The following TENM2 variants were observed in gnomAD, a reference collection of about 807,000 sequenced individuals.
TENM2 encodes the protein teneurin-2.
Under a neutral mutation model 245.2 loss-of-function variants are expected in TENM2, and 52 were observed. That is an observed-to-expected ratio of 0.21 (90% confidence interval 0.17 to 0.27). The LOEUF (loss-of-function observed/expected upper bound fraction) is 0.27, where lower values mean the gene tolerates loss of function less well. TENM2 is among the 10% of genes least tolerant of loss of function. The probability of loss-of-function intolerance (pLI) is 1.00; values close to 1 mark genes in which losing one functional copy is unlikely to be tolerated. For missense variants in TENM2, 3,046 were observed against 3,666.8 expected (o/e 0.83, Z 4.37); for synonymous variants, 1,363 against 1,438.9 (o/e 0.95, Z 1.19).
At chr5:167,280,480 G>C (rs565389354), upstream of TENM2, among the ~76,000 whole-genome samples, 86 of 152,282 alleles carry the variant, frequency 5.6e-4, 1 homozygote, top group African/African-American at 2.0e-3. Flanking sequence ...TGTGGTTGAG[G>C]TTGGTGTCTA....
At chr5:167,277,561 A>T in the TENM2 span, among the ~76,000 whole-genome samples, 1 of 152,186 alleles carries the variant, frequency 6.6e-6, no homozygotes, top group East Asian at 1.9e-4. Context: ...CTCCATGGCC[A>T]CTTGAGAAAG....
rs140335250 is a variant in TENM2, at chr5:167,378,545, A to G, written c.502+3072A>G. 5.3e-3 allele frequency among the ~76,000 whole-genome samples: 808 copies of G among 152,204 alleles called. 8 individuals are homozygous for G. Among genetic ancestry groups the G allele is most frequent in the African/African-American group, 0.019 (771 of 41,536 alleles). ...GTTCTTTAATCCTATCTTGAAGTCA[A>G]TAATGATTTGGCTAGAAATGGCAAT... On this transcript the variant is annotated intron_variant, in intron 2 of 28. Transcript: ENST00000518659.
At chr5:167,579,672 G>A (rs191485097) in intron 2 of TENM2, among the ~76,000 whole-genome samples, 9 of 152,096 alleles carry the variant, frequency 5.9e-5, no homozygotes, top group Admixed American at 5.2e-4. Context: ...GTGTGAGTGT[G>A]GAGAATTCTT....
At chr5:167,968,560 C>T (rs954593191) in intron 4 of TENM2, among the ~76,000 whole-genome samples, 14 of 152,154 alleles carry the variant, frequency 9.2e-5, no homozygotes, top group Non-Finnish European at 1.9e-4. Flanking sequence ...GTATTGCACA[C>T]CAATAATACG....
the TENM2 span, among the ~76,000 whole-genome samples, chr5:167,115,817 A>C: frequency 6.6e-6 from 1 of 152,206 alleles, no homozygotes; most frequent in Non-Finnish European, 1.5e-5. Flanking sequence ...TTTAATAAAT[A>C]AACTTGGTTT....
At chr5:167,515,855 A>G (rs1229140078) in intron 2 of TENM2, among the ~76,000 whole-genome samples, 1 of 151,694 alleles carries the variant, frequency 6.6e-6, no homozygotes, top group Non-Finnish European at 1.5e-5. Flanking sequence ...TAATCTATAA[A>G]TATTTGGGGC....
chr5:167,843,784 C>G (rs1769771708), intron 2 of TENM2, among the ~76,000 whole-genome samples: 1 of 152,132 alleles, frequency 6.6e-6, no homozygotes, highest in African/African-American at 2.4e-5. Flanking sequence ...TATGCTGGAC[C>G]CATTATAACA....
chr5:168,080,727 GTA>G, intron 7 of TENM2, among the ~76,000 whole-genome samples: 1 of 152,320 alleles, frequency 6.6e-6, no homozygotes, highest in Non-Finnish European at 1.5e-5. Flanking sequence ...CAGTTTCCAT[GTA>G]GTTGAGCGAT....
At position 167,365,347 on chromosome 5, in the gene TENM2, G is replaced by A. The variant is rs983087566; in HGVS notation, c.227-9851G>A. On this transcript the variant is annotated intron_variant, in intron 1 of 28. Coordinates refer to ENST00000518659, the Ensembl canonical transcript of TENM2. ...ATAAAGAAAATATTTCAAATCAGTGGTCTACATTTCTACCGCAAGAACCTA... is the reference window on the plus strand; with the variant it reads ...ATAAAGAAAATATTTCAAATCAGTGATCTACATTTCTACCGCAAGAACCTA... Among the ~76,000 whole-genome samples the A allele has an allele frequency of 1.1e-4, 16 of 151,378 alleles. 1 individual carries two copies. Among genetic ancestry groups the A allele is most frequent in the Admixed American group, 1.1e-3 (16 of 15,198 alleles).
intron 2 of TENM2, among the ~76,000 whole-genome samples, chr5:167,560,838 C>G (rs1289850702): frequency 6.6e-6 from 1 of 152,164 alleles, no homozygotes; most frequent in Non-Finnish European, 1.5e-5. Context: ...TCATAGCTCT[C>G]AACTGGGGTT....
At chr5:167,364,466 C>A (rs932299261) in intron 1 of TENM2, among the ~76,000 whole-genome samples, 1 of 152,052 alleles carries the variant, frequency 6.6e-6, no homozygotes, top group African/African-American at 2.4e-5. Flanking sequence ...TCAATAATTA[C>A]ATTAAATATA....
Position 167,593,159 on chromosome 5 carries a change from A to T in TENM2, c.502+217686A>T, listed in dbSNP as rs1351704999. Among the ~76,000 whole-genome samples, 3 of 152,228 alleles carry T rather than the reference A, an allele frequency of 2.0e-5. No individual in the cohort carries two copies. In the East Asian group the frequency reaches 5.8e-4, roughly 29 times the overall value. On this transcript the variant is annotated intron_variant, in intron 2 of 28. Transcript: ENST00000518659. ...TCTGAAGGTATAGTAACAGATAAAG[A>T]TAGATACAGCTCACTTTCTGTGGAA...
chr5:167,097,229 G>A, the TENM2 span, among the ~76,000 whole-genome samples: 1 of 152,128 alleles, frequency 6.6e-6, no homozygotes, highest in Non-Finnish European at 1.5e-5. Context: ...TTGATCGAGT[G>A]CATTCTGTGC....
At chr5:167,060,301 A>G in the TENM2 span, among the ~76,000 whole-genome samples, 1 of 152,164 alleles carries the variant, frequency 6.6e-6, no homozygotes, top group Admixed American at 6.5e-5. Context: ...ATAAATTACA[A>G]TACAAATACA....
the TENM2 span, among the ~76,000 whole-genome samples, chr5:167,092,823 CA>C: frequency 6.6e-6 from 1 of 152,128 alleles, no homozygotes; most frequent in Non-Finnish European, 1.5e-5. Flanking sequence ...GAAAAATGAA[CA>C]AAAGAAATAA....
At chr5:167,920,317 C>A (rs1319471730) in intron 3 of TENM2, among the ~76,000 whole-genome samples, 1 of 148,352 alleles carries the variant, frequency 6.7e-6, no homozygotes, top group East Asian at 2.0e-4. Context: ...CATGATGAAA[C>A]CCTGTCTCTA....
the TENM2 span, among the ~76,000 whole-genome samples, chr5:166,996,338 G>A: frequency 1.3e-5 from 2 of 152,216 alleles, no homozygotes; most frequent in African/African-American, 4.8e-5. Context: ...GTGAGACTCC[G>A]TCTCAAAAAC....
chr5:167,902,768 G>A (rs911828345), intron 3 of TENM2, among the ~76,000 whole-genome samples: 12 of 152,198 alleles, frequency 7.9e-5, no homozygotes, highest in Non-Finnish European at 1.3e-4. Flanking sequence ...CCTGGAAAGT[G>A]ATCGTGTGTG....
the TENM2 span, among the ~76,000 whole-genome samples, chr5:167,180,539 T>G: frequency 1.3e-5 from 2 of 152,036 alleles, no homozygotes; most frequent in Non-Finnish European, 2.9e-5. Context: ...AATACAGGGG[T>G]TAGTGTCACC....
Sources: allele counts gnomAD v4.1 joint callset (sites outside exome capture counted in the v4.1 genomes callset), GRCh38; gene constraint gnomAD v4.1.1; transcripts MANE v1.5; gene names NCBI Gene and HGNC (gene_info 2026-07-23, HGNC 2026-07-21).